Variants in DPP10 observed in about 807,000 individuals in gnomAD.
DPP10 encodes dipeptidyl peptidase like 10.
Under a neutral mutation model 120.9 loss-of-function variants are expected in DPP10, and 33 were observed. The ratio of observed to expected loss-of-function variants is 0.27; its 90% CI spans 0.21 to 0.37. DPP10 has a LOEUF of 0.37. DPP10 is among the 10% of genes least tolerant of loss of function. The pLI, the probability that DPP10 is intolerant of heterozygous loss-of-function variation, is 1.00. For synonymous variants in DPP10, 337 were observed against 326.1 expected (o/e 1.03, Z -0.36); for missense variants, 816 against 942.8 (o/e 0.87, Z 1.76).
At chr2:115,811,613 A>G (rs1015683586) in intron 19 of DPP10, among the ~76,000 whole-genome samples, 1 of 152,224 alleles carries the variant, frequency 6.6e-6, no homozygotes, top group African/African-American at 2.4e-5. Context: ...TTGGAAAGTT[A>G]TATCTTTTAA....
chr2:115,643,146 G>A (rs34095018), intron 5 of DPP10, among the ~76,000 whole-genome samples: 1,696 of 151,826 alleles, frequency 0.011, 29 homozygotes, highest in African/African-American at 0.039. Flanking sequence ...AAAAAAATGC[G>A]TAAGAAGAGC....
chr2:115,603,578 T>G (rs1558913003), intron 5 of DPP10, among the ~76,000 whole-genome samples: 1 of 147,244 alleles, frequency 6.8e-6, no homozygotes, highest in Non-Finnish European at 1.5e-5. Context: ...TTGTTTTTTT[T>G]TTTTTTGGAT....
chr2:114,631,508 G>GTCT (rs1329223139), intron 1 of DPP10, among the ~76,000 whole-genome samples: 3 of 152,158 alleles, frequency 2.0e-5, no homozygotes, highest in African/African-American at 7.2e-5. Flanking sequence ...GGATGACTCT[G>GTCT]TTAATGATCT....
chr2:115,779,860 T>A lies in DPP10; in HGVS notation c.1362-1014T>A, dbSNP rs1682542483. Among the ~76,000 whole-genome samples the A allele has an allele frequency of 1.3e-5, 2 of 152,030 alleles. 1 individual carries two copies. Among genetic ancestry groups the A allele is most frequent in the South Asian group, 4.1e-4 (2 of 4,832 alleles). On this transcript the variant is annotated intron_variant, in intron 15 of 25. Transcript: ENST00000410059. ...AATATGATTTGTGCTTGGTATATAT[T>A]GTTTTGAGTATTATAAGGAAATTTT... is the stretch of plus-strand genomic sequence containing the variant.
chr2:114,875,739 G>A (rs867182532), intron 1 of DPP10, among the ~76,000 whole-genome samples: 9 of 151,972 alleles, frequency 5.9e-5, no homozygotes, highest in African/African-American at 2.2e-4. Flanking sequence ...AAAATCCTTG[G>A]CATAAACATA....
intron 1 of DPP10, among the ~76,000 whole-genome samples, chr2:114,666,334 T>C (rs1190604252): frequency 7.2e-5 from 11 of 152,250 alleles, no homozygotes; most frequent in Admixed American, 7.2e-4. Context: ...TTTTCCATTC[T>C]ATTTTATTTC....
At chr2:114,561,280 G>A (rs1457480771) in intron 1 of DPP10, among the ~76,000 whole-genome samples, 1 of 152,098 alleles carries the variant, frequency 6.6e-6, no homozygotes, top group African/African-American at 2.4e-5. Flanking sequence ...AGAAAGACAG[G>A]GTTTTTCTTT....
At chr2:114,599,322 AC>A (rs765670077) in intron 1 of DPP10, among the ~76,000 whole-genome samples, 262 of 151,966 alleles carry the variant, frequency 1.7e-3, no homozygotes, top group Non-Finnish European at 3.1e-3. Flanking sequence ...TTAATTCACA[AC>A]CTTTGAGGCT....
At chr2:114,865,162 AT>A (rs1690124849) in intron 1 of DPP10, among the ~76,000 whole-genome samples, 1 of 152,234 alleles carries the variant, frequency 6.6e-6, no homozygotes, top group Non-Finnish European at 1.5e-5. Context: ...GTATTTTCAT[AT>A]TGAAGACCTC....
At position 114,885,355 on chromosome 2, in the gene DPP10, C is replaced by T. The variant is rs546881388; in HGVS notation, c.61-423884C>T. On this transcript the variant is annotated intron_variant, in intron 1 of 25. Transcript: ENST00000410059. Reference sequence around the variant, plus strand: ...ACAGCGCCGAGGGGATAATGCTAAACCATTTATAAGAAACACACTCCCATG... The same window carrying T: ...ACAGCGCCGAGGGGATAATGCTAAATCATTTATAAGAAACACACTCCCATG... 7.9e-5 allele frequency among the ~76,000 whole-genome samples: 12 copies of T among 152,256 alleles called. No individual in the cohort carries two copies. The South Asian group carries it at 2.3e-3, about 29-fold the overall frequency.
intron 1 of DPP10, among the ~76,000 whole-genome samples, chr2:115,187,102 T>C (rs1433010106): frequency 7.4e-6 from 1 of 136,032 alleles, no homozygotes; most frequent in African/African-American, 2.7e-5. Context: ...AATGGCGCAA[T>C]CTCGGCTCAC....
At chr2:114,599,043 A>G (rs1479337426) in intron 1 of DPP10, among the ~76,000 whole-genome samples, 1 of 151,854 alleles carries the variant, frequency 6.6e-6, no homozygotes. Flanking sequence ...GCTTGACCTA[A>G]GTATTCAATA....
rs371329741 is a variant in DPP10 at position 115,770,718 on chromosome 2, T to C, written c.1221+2314T>C. ...AAGCTATTTATGAATTGTGTATGAC[T>C]GCTTAATTGACATATATGCACTATA... On this transcript the variant is annotated intron_variant, in intron 13 of 25. Coordinates refer to ENST00000410059, the MANE Select transcript of DPP10 (RefSeq NM_020868.6). 1.4e-4 allele frequency among the ~76,000 whole-genome samples: 21 copies of C among 152,296 alleles called. No individual in the cohort carries two copies. In the East Asian group the frequency reaches 4.1e-3, roughly 29 times the overall value.
chr2:114,471,471 G>C (rs564158294), intron 1 of DPP10, among the ~76,000 whole-genome samples: 85 of 152,200 alleles, frequency 5.6e-4, no homozygotes, highest in Middle Eastern at 6.8e-3. Context: ...TTAGAATTTT[G>C]CTTCCCTTTA....
At chr2:114,707,975 C>A (rs1312770853) in intron 1 of DPP10, among the ~76,000 whole-genome samples, 2 of 152,162 alleles carry the variant, frequency 1.3e-5, no homozygotes, top group Non-Finnish European at 2.9e-5. Flanking sequence ...ACAAACCCAG[C>A]TGCCAGAATT....
At chr2:115,344,135 C>CAAAAAAAA (rs751004918) in intron 3 of DPP10, among the ~76,000 whole-genome samples, 1 of 49,278 alleles carries the variant, frequency 2.0e-5, no homozygotes, top group African/African-American at 6.9e-5. Flanking sequence ...GACTCCATCT[C>CAAAAAAAA]AAAAAAAAAA....
At chr2:115,611,911 T>TAG (rs1357501364) in intron 5 of DPP10, among the ~76,000 whole-genome samples, 2 of 152,226 alleles carry the variant, frequency 1.3e-5, no homozygotes, top group African/African-American at 4.8e-5. Context: ...CAAGTTTGAA[T>TAG]AGAGAGAGAA....
intron 1 of DPP10, among the ~76,000 whole-genome samples, chr2:114,689,757 CT>C (rs1211456291): frequency 6.6e-6 from 1 of 151,882 alleles, no homozygotes; most frequent in Non-Finnish European, 1.5e-5. Flanking sequence ...GTTTTTTTGG[CT>C]TTTTAATAAT....
chr2:114,711,692 T>C (rs1197866966), intron 1 of DPP10, among the ~76,000 whole-genome samples: 1 of 148,706 alleles, frequency 6.7e-6, no homozygotes, highest in South Asian at 2.1e-4. Context: ...GTTTTAATTA[T>C]TTTTTTTTTG....
Sources: allele counts gnomAD v4.1 joint callset (sites outside exome capture counted in the v4.1 genomes callset), GRCh38; gene constraint gnomAD v4.1.1; transcripts MANE v1.5; gene names NCBI Gene and HGNC (gene_info 2026-07-23, HGNC 2026-07-21).